The following MARCHF9 variants were observed in gnomAD, a reference collection of about 807,000 sequenced individuals.
MARCHF9 encodes E3 ubiquitin-protein ligase MARCHF9.
Under a neutral mutation model 35.2 loss-of-function variants are expected in MARCHF9, and 17 were observed. That is an observed-to-expected ratio of 0.48 (90% CI 0.33 to 0.72). The LOEUF (loss-of-function observed/expected upper bound fraction) is 0.72. Ranked by LOEUF, MARCHF9 falls within the 30% of genes least tolerant of loss-of-function variation. MARCHF9 has a pLI of 0.02. For missense variants in MARCHF9, 386 were observed against 478.2 expected (o/e 0.81, Z 1.80); for synonymous variants, 183 against 207.4 (o/e 0.88, Z 1.01).
In MARCHF9 at chr12:57,755,504, GC is replaced by G. The variant is rs1260948699; in HGVS notation, c.-19del. 9 of 1,060,964 alleles carry G rather than the reference GC, an allele frequency of 8.5e-6. No homozygotes were observed. The South Asian group carries it at 9.8e-5, about 11-fold the overall frequency. 65.7% of individuals were successfully genotyped at this position (1,060,964 alleles called of 1,614,324 possible). On this transcript the variant is annotated 5_prime_UTR_variant, in exon 1 of 4. Coordinates refer to ENST00000266643, the MANE Select transcript of MARCHF9 (RefSeq NM_138396.6). The stretch of plus-strand genomic sequence containing the variant: ...CGCTAGCGAGCCCCCCTTGCACGCT[GC>G]CCCCCGCCCCCGGTGTCCGGACGAT...
In MARCHF9 at chr12:57,755,843, C is replaced by G. The variant is rs1800213239; in HGVS notation, c.315C>G (p.Leu105=). ...TCAGCAGTAGCCTGGACAGCGGACT[C>G]CGAACCCCTCAGTGCCGGATCTGCT... ...LSLSSSLDSG[L]RTPQCRICFQ... The change falls in exon 1 of 4, where the codon CTC becomes CTG. Residue 105 remains leucine, a synonymous_variant. Coordinates refer to ENST00000266643, the MANE Select transcript of MARCHF9 (RefSeq NM_138396.6). 4 of 1,525,454 alleles carry G rather than the reference C, an allele frequency of 2.6e-6. No homozygotes were observed. Among genetic ancestry groups the G allele is most frequent in the African/African-American group, 2.9e-5 (2 of 69,906 alleles). 94.5% of individuals were successfully genotyped at this position (1,525,454 alleles called of 1,614,324 possible).
rs1161954784 is a variant in MARCHF9 at position 57,758,061 on chromosome 12, C to A, written c.514-47C>A. 1 of 1,609,264 alleles carries A rather than the reference C, an allele frequency of 6.2e-7. No homozygotes were observed. Among genetic ancestry groups the A allele is most frequent in the Admixed American group, 1.7e-5 (1 of 60,030 alleles). ...CTCTTCAGGGCCACCCATCACCTGG[C>A]CCTCCATCCCTTTCTGGGACTCTTT... On this transcript the variant is annotated intron_variant, in intron 2 of 3. Coordinates refer to ENST00000266643, the MANE Select transcript of MARCHF9 (RefSeq NM_138396.6). This position sits in a 1 kb window ranked among gnomAD's most constrained non-coding sequence, Gnocchi z 5.4.
At chr12:57,757,210 A>T in intron 2 of MARCHF9, 126 bp downstream of exon 2, 4 of 703,756 alleles carry the variant, frequency 5.7e-6, no homozygotes, top group Non-Finnish European at 6.5e-6. Flanking sequence ...CAGTTACCAC[A>T]GTCTCCCGTG....
rs1955279981 is a variant in MARCHF9 at position 57,755,591 on chromosome 12, G to C, written c.63G>C (p.Gly21=). The change falls in exon 1 of 4, where the codon GGG becomes GGC. Residue 21 remains glycine, a synonymous_variant. Transcript: ENST00000266643. ...TGAAGCTGCTGGTGCTGACAGGCGG[G>C]GGGCGGCCCCGGGCCGAGCCGCAAC... is the stretch of plus-strand genomic sequence containing the variant. The part of the protein sequence containing the change: ...NELKLLVLTG[G]GRPRAEPQPR... 2.9e-6 allele frequency: 4 copies of C among 1,401,108 alleles called. No individual in the cohort carries two copies. The South Asian group carries it at 4.4e-5, about 16-fold the overall frequency. 86.8% of individuals were successfully genotyped at this position (1,401,108 alleles called of 1,614,324 possible). A position where few individuals can be genotyped will look rare whatever the true frequency, so the allele number is the denominator to read the frequency against.
In MARCHF9 at chr12:57,755,687, C is replaced by A; in HGVS notation, c.159C>A (p.Gly53=). The A allele has an allele frequency of 7.8e-7, 1 of 1,278,488 alleles. No homozygotes were observed. Among genetic ancestry groups the A allele is most frequent in the Non-Finnish European group, 9.8e-7 (1 of 1,016,694 alleles). The allele number at this position is 1,278,488 out of a possible 1,614,324, so 79.2% of individuals were successfully genotyped here. A position where few individuals can be genotyped will look rare whatever the true frequency, so the allele number is the denominator to read the frequency against. The change falls in exon 1 of 4, where the codon GGC becomes GGA. Residue 53 remains glycine (G), a synonymous_variant. Coordinates refer to ENST00000266643, the MANE Select transcript of MARCHF9 (RefSeq NM_138396.6). ...FAGCSTRDGD[G]DEEEYYGSEP... ...GCTGCTCCACCCGGGACGGCGACGG[C>A]GACGAGGAGGAGTACTACGGGTCGG...
chr12:57,756,868 C>A, intron 1 of MARCHF9, 61 bp from the exon 2 acceptor site: 2 of 1,393,926 alleles, frequency 1.4e-6, no homozygotes, highest in Middle Eastern at 2.7e-4. Context: ...TGTCGGGGAG[C>A]GCGGCTGAGT....
Position 57,760,108 on chromosome 12 carries a change from C to G in MARCHF9, c.*1211C>G, listed in dbSNP as rs1208253028. The G allele has an allele frequency of 3.3e-5, 5 of 152,210 alleles. No individual in the cohort carries two copies. Among genetic ancestry groups the G allele is most frequent in the Non-Finnish European group, 7.3e-5 (5 of 68,040 alleles). 9.4% of individuals were successfully genotyped at this position (152,210 alleles called of 1,614,324 possible). A position where few individuals can be genotyped will look rare whatever the true frequency, so the allele number is the denominator to read the frequency against. ...TGGAGTGAGATGGAGGGAATCCCCC[C>G]ACTCAGTGTTATGAGTCTCCAACCC... On this transcript the variant is annotated 3_prime_UTR_variant, in exon 4 of 4. Coordinates refer to ENST00000266643, the MANE Select transcript of MARCHF9 (RefSeq NM_138396.6).
chr12:57,757,102 G>C lies in MARCHF9; in HGVS notation c.513+18G>C. Reference sequence around the variant, plus strand: ...CACTGCAGGTGAGGTGCAAGGAGAGGACTCGGAGATTGGGCGAGGACCTTT... The same window carrying C: ...CACTGCAGGTGAGGTGCAAGGAGAGCACTCGGAGATTGGGCGAGGACCTTT... On this transcript the variant is annotated intron_variant, in intron 2 of 3. Coordinates refer to ENST00000266643, the MANE Select transcript of MARCHF9 (RefSeq NM_138396.6). 1 of 1,536,154 alleles carries C rather than the reference G, an allele frequency of 6.5e-7. No individual in the cohort carries two copies. The highest frequency in any genetic ancestry group is 2.1e-5 in the Admixed American group (1 of 48,442).
At chr12:57,756,508 C>A (rs982529661) in intron 1 of MARCHF9, among the ~76,000 whole-genome samples, 1 of 152,064 alleles carries the variant, frequency 6.6e-6, no homozygotes, top group Non-Finnish European at 1.5e-5. Context: ...ATAACCCATC[C>A]CAGTTTGCGC....
chr12:57,758,671 G>A lies in MARCHF9; in HGVS notation c.815G>A (p.Gly272Glu), dbSNP rs2140393651. Reference protein sequence around the residue: ...LNYDKTKDIGGDAGGGTAGKS... With the variant: ...LNYDKTKDIGEDAGGGTAGKS... ...TATGACAAGACCAAGGACATAGGAGGAGATGCAGGGGGAGGGACGGCAGGG... is the reference window on the plus strand; with the variant it reads ...TATGACAAGACCAAGGACATAGGAGAAGATGCAGGGGGAGGGACGGCAGGG... The change falls in exon 4 of 4, where the codon GGA (glycine) becomes GAA (glutamate). Residue 272 changes from glycine (G) to glutamate (E), a missense_variant. Physicochemically the swap from Gly to Glu is moderately conservative, Grantham distance 98 (BLOSUM62 -2). Around this residue, in one of 3 missense-constraint regions of MARCHF9, gnomAD observed 111 missense variants for 112.4 expected, o/e 0.99. Transcript: ENST00000266643. The surrounding 1 kb of genome is among the most constrained non-coding windows in gnomAD (Gnocchi z 5.4). 6.2e-7 allele frequency: 1 copy of A among 1,613,836 alleles called. No homozygotes were observed. Among genetic ancestry groups the A allele is most frequent in the East Asian group, 2.2e-5 (1 of 44,880 alleles).
At position 57,755,860 on chromosome 12, in the gene MARCHF9, G is replaced by A; in HGVS notation, c.332G>A (p.Arg111Gln). ...AGCGGACTCCGAACCCCTCAGTGCC[G>A]GATCTGCTTCCAGGGCCCGGAGCAG... ...LDSGLRTPQC[R>Q]ICFQGPEQGE... is the part of the protein sequence containing the mutation. Residue 111 changes from arginine (R) to glutamine (Q), a missense_variant, in exon 1 of 4, where the codon CGG becomes CAG. By Grantham distance (43) the Arg-to-Gln change is conservative. Coordinates refer to ENST00000266643, the MANE Select transcript of MARCHF9 (RefSeq NM_138396.6). 1 of 1,527,592 alleles carries A rather than the reference G, an allele frequency of 6.5e-7. No homozygotes were observed. Among genetic ancestry groups the A allele is most frequent in the Non-Finnish European group, 8.7e-7 (1 of 1,146,032 alleles). The allele number at this position is 1,527,592 out of a possible 1,614,324, so 94.6% of individuals were successfully genotyped here. A position where few individuals can be genotyped will look rare whatever the true frequency, so the allele number is the denominator to read the frequency against.
Position 57,755,520 on chromosome 12 carries a change from G to T in MARCHF9, c.-9G>T. 1.5e-6 allele frequency: 2 copies of T among 1,299,784 alleles called. No individual in the cohort carries two copies. The highest frequency in any genetic ancestry group is 2.0e-6 in the Non-Finnish European group (2 of 1,019,626). 80.5% of individuals were successfully genotyped at this position (1,299,784 alleles called of 1,614,324 possible). On this transcript the variant is annotated 5_prime_UTR_variant, in exon 1 of 4. Coordinates refer to ENST00000266643, the MANE Select transcript of MARCHF9 (RefSeq NM_138396.6). ...TTGCACGCTGCCCCCCGCCCCCGGT[G>T]TCCGGACGATGCTCAAGTCTCGGCT...
rs1955310357 is a variant in MARCHF9 at position 57,760,114 on chromosome 12, G to C, written c.*1217G>C. On this transcript the variant is annotated 3_prime_UTR_variant, in exon 4 of 4. Transcript: ENST00000266643. ...GAGATGGAGGGAATCCCCCCACTCA[G>C]TGTTATGAGTCTCCAACCCCAGTTT... 1 of 152,222 alleles carries C rather than the reference G, an allele frequency of 6.6e-6. No homozygotes were observed. The highest frequency in any genetic ancestry group is 1.5e-5 in the Non-Finnish European group (1 of 68,042). The allele number at this position is 152,222 out of a possible 1,614,324, so 9.4% of individuals were successfully genotyped here. A position where few individuals can be genotyped will look rare whatever the true frequency, so the allele number is the denominator to read the frequency against.
intron 1 of MARCHF9, 161 bp downstream of exon 1, chr12:57,756,046 C>T: frequency 2.3e-6 from 1 of 442,082 alleles, no homozygotes. Context: ...ACTCCTGGAG[C>T]GCTTGTTTGT....
In MARCHF9 at chr12:57,758,838, G is replaced by A. The variant is rs1955303183; in HGVS notation, c.982G>A (p.Asp328Asn). Reference sequence around the variant, plus strand: ...CCTCCTTGGGCAGCTGCGGCCACCAGATGCCCGTTCCAGCTCCCATTCTGG... The same window carrying A: ...CCTCCTTGGGCAGCTGCGGCCACCAAATGCCCGTTCCAGCTCCCATTCTGG... ...LHLLGQLRPP[D>N]ARSSSHSGRE... Residue 328 changes from aspartate (D) to asparagine (N), a missense_variant, in exon 4 of 4, where the codon GAT becomes AAT. By Grantham distance (23) the Asp-to-Asn change is conservative. Around this residue, in one of 3 missense-constraint regions of MARCHF9, gnomAD observed 111 missense variants for 112.4 expected, o/e 0.99. Transcript: ENST00000266643. The surrounding 1 kb of genome is among the most constrained non-coding windows in gnomAD (Gnocchi z 5.4). 3 of 1,610,402 alleles carry A rather than the reference G, an allele frequency of 1.9e-6. No homozygotes were observed. The highest frequency in any genetic ancestry group is 2.5e-6 in the Non-Finnish European group (3 of 1,177,956).
At position 57,759,941 on chromosome 12, in the gene MARCHF9, C is replaced by T. The variant is rs1211522750; in HGVS notation, c.*1044C>T. On this transcript the variant is annotated 3_prime_UTR_variant, in exon 4 of 4. Coordinates refer to ENST00000266643, the MANE Select transcript of MARCHF9 (RefSeq NM_138396.6). The stretch of plus-strand genomic sequence containing the variant: ...GGTTATTTGTTAAGAATGAGAACTC[C>T]TCTGACTCTAAATATTTGGGCCTGT... 1 of 152,320 alleles carries T rather than the reference C, an allele frequency of 6.6e-6. No homozygotes were observed. The highest frequency in any genetic ancestry group is 1.9e-4 in the East Asian group (1 of 5,192). 9.4% of individuals were successfully genotyped at this position (152,320 alleles called of 1,614,324 possible).
chr12:57,757,921 T>C (rs1263139454), intron 2 of MARCHF9, 187 bp from the exon 3 acceptor site: 1 of 706,618 alleles, frequency 1.4e-6, no homozygotes, highest in Non-Finnish European at 2.5e-6. Flanking sequence ...CCTGCCTTTC[T>C]AAAGTAAGAC....
At position 57,758,175 on chromosome 12, in the gene MARCHF9, TC is replaced by T; in HGVS notation, c.583del (p.Leu195TrpfsTer41). ...QIAAIVLGSLFLVASISWLIW... is the reference protein window; with the variant it reads ...QIAAIVLGSLXLVASISWLIW... ...GCTGCCATAGTTCTGGGCTCGCTCT[TC>T]CTGGTTGCCAGCATCTCCTGGCTCA... On this transcript the variant is annotated frameshift_variant, in exon 3 of 4. Coordinates refer to ENST00000266643, the MANE Select transcript of MARCHF9 (RefSeq NM_138396.6). LOFTEE classifies it high-confidence loss of function. The surrounding 1 kb of genome is among the most constrained non-coding windows in gnomAD (Gnocchi z 5.4). The T allele has an allele frequency of 6.2e-7, 1 of 1,614,230 alleles. No homozygotes were observed. The highest frequency in any genetic ancestry group is 1.1e-5 in the South Asian group (1 of 91,084).
Position 57,758,442 on chromosome 12 carries a change from C to T in MARCHF9, c.707-121C>T. ...ATCCTGGTGCCCCCTCAACCCACTT[C>T]CCTGCTTCTCCAGGGCCCTTTGCAA... is the stretch of plus-strand genomic sequence containing the variant. On this transcript the variant is annotated intron_variant, in intron 3 of 3. Coordinates refer to ENST00000266643, the MANE Select transcript of MARCHF9 (RefSeq NM_138396.6). This position sits in a 1 kb window ranked among gnomAD's most constrained non-coding sequence, Gnocchi z 5.4. 1.5e-6 allele frequency: 2 copies of T among 1,336,520 alleles called. No individual in the cohort carries two copies. The highest frequency in any genetic ancestry group is 2.7e-5 in the Admixed American group (1 of 37,470). The allele number at this position is 1,336,520 out of a possible 1,614,324, so 82.8% of individuals were successfully genotyped here.
Sources: gnomAD v4.1 joint callset for allele counts (sites outside exome capture counted in the v4.1 genomes callset) on GRCh38, gnomAD v4.1.1 for gene constraint, gnomAD v4.1.1 regional missense constraint, Gnocchi (gnomAD v3.1) non-coding constraint, MANE v1.5 for transcripts, NCBI Gene and HGNC (gene_info 2026-07-23, HGNC 2026-07-21) for gene names.